The following CAPN3 variants were observed in gnomAD, a reference collection of about 807,000 sequenced individuals.
The protein encoded by CAPN3 is calpain 3.
In CAPN3, 88 loss-of-function variants were observed where a neutral mutation model predicts 114.0. That is an observed-to-expected ratio of 0.77 (90% confidence interval 0.65 to 0.92). The LOEUF (loss-of-function observed/expected upper bound fraction) is 0.92. Ranked by LOEUF, CAPN3 falls within the 40% of genes least tolerant of loss-of-function variation. The probability of loss-of-function intolerance (pLI) is 0.00; values close to 1 mark genes in which losing one functional copy is unlikely to be tolerated. For missense variants in CAPN3, 1,028 were observed against 1,069.0 expected, an observed-to-expected ratio of 0.96 and a Z score of 0.53; for synonymous variants, 386 against 382.9, an observed-to-expected ratio of 1.01 and a Z score of -0.09.
Position 42,389,070 on chromosome 15 carries a change from G to T in CAPN3, c.775G>T (p.Gly259Cys). 1.2e-6 allele frequency: 2 copies of T among 1,614,130 alleles called. No individual in the cohort carries two copies. Among genetic ancestry groups the T allele is most frequent in the Non-Finnish European group, 1.7e-6 (2 of 1,180,026 alleles). Residue 259 changes from glycine (G) to cysteine (C), a missense_variant, in exon 5 of 24, where the codon GGC becomes TGC. By Grantham distance (159) the Gly-to-Cys change is radical. Coordinates refer to ENST00000397163, the MANE Select transcript of CAPN3 (RefSeq NM_000070.3). ...YKIMKKAIER[G>C]SLMGCSIDDG... is the part of the protein sequence containing the mutation. ...GATCATGAAGAAAGCCATCGAGAGAGGCTCCCTCATGGGCTGCTCCATTGA... is the reference window on the plus strand; with the variant it reads ...GATCATGAAGAAAGCCATCGAGAGATGCTCCCTCATGGGCTGCTCCATTGA...
In CAPN3 at chr15:42,411,914, T is replaced by A; in HGVS notation, c.*141T>A. The A allele has an allele frequency of 6.4e-6, 10 of 1,561,318 alleles. No individual in the cohort carries two copies. Among genetic ancestry groups the A allele is most frequent in the Non-Finnish European group, 8.7e-6 (10 of 1,152,084 alleles). On this transcript the variant is annotated 3_prime_UTR_variant, in exon 24 of 24. Transcript: ENST00000397163. ...GGCACCTCATCAGTCATGCTCCTCC[T>A]CCATTTTACCCCCTACCCATCCTTG... is the stretch of plus-strand genomic sequence containing the variant.
chr15:42,405,656 G>A (rs944431385), intron 14 of CAPN3, among the ~76,000 whole-genome samples: 3 of 152,184 alleles, frequency 2.0e-5, no homozygotes, highest in African/African-American at 7.2e-5. Flanking sequence ...ACCTTAGCCA[G>A]AAGATCTTTT....
intron 1 of CAPN3, among the ~76,000 whole-genome samples, chr15:42,383,314 C>T (rs1415999870): frequency 2.0e-5 from 3 of 152,054 alleles, no homozygotes; most frequent in Non-Finnish European, 4.4e-5. Flanking sequence ...ACTAGCCTGG[C>T]GCGGTGGCTC....
intron 12 of CAPN3, 178 bp downstream of exon 12, chr15:42,402,313 T>A (rs565791367): frequency 6.5e-7 from 1 of 1,545,552 alleles, no homozygotes; most frequent in Admixed American, 1.9e-5. Context: ...GCATGACCCA[T>A]GACTACCACC....
chr15:42,377,300 A>T (rs905904458), intron 1 of CAPN3, among the ~76,000 whole-genome samples: 1 of 152,108 alleles, frequency 6.6e-6, no homozygotes, highest in East Asian at 1.9e-4. Context: ...GTTAGCTGTT[A>T]TTATTTTTGA....
At chr15:42,410,087 A>G (rs2054162630) in intron 19 of CAPN3, 92 bp downstream of exon 19, 1 of 1,172,802 alleles carries the variant, frequency 8.5e-7, no homozygotes, top group East Asian at 2.3e-5. Context: ...AAAGGGCCCT[A>G]ATTTGTGCCC....
rs753261440 is a variant in CAPN3 at position 42,359,939 on chromosome 15, CCAT to C, written c.140_142del (p.Ile47del). The stretch of plus-strand genomic sequence containing the variant: ...GGAAACCCAAGTGGCATCTATTCAG[CCAT>C]CATCAGCCGCAATTTTCCTATTATC... On this transcript the variant is annotated inframe_deletion, in exon 1 of 24. Transcript: ENST00000397163. 1 of 1,614,172 alleles carries C rather than the reference CCAT, an allele frequency of 6.2e-7. No individual in the cohort carries two copies. The highest frequency in any genetic ancestry group is 8.5e-7 in the Non-Finnish European group (1 of 1,180,032).
chr15:42,382,732 C>G (rs2053283868), intron 1 of CAPN3, among the ~76,000 whole-genome samples: 1 of 151,994 alleles, frequency 6.6e-6, no homozygotes, highest in Non-Finnish European at 1.5e-5. Context: ...GTTCATATTT[C>G]TTTATGGTTT....
At chr15:42,365,364 C>T (rs12441700) in intron 1 of CAPN3, among the ~76,000 whole-genome samples, 40,930 of 152,042 alleles carry the variant, frequency 0.27, 7,882 homozygotes, top group African/African-American at 0.54. Context: ...CCTCCAGCTC[C>T]TTCCCTAGGA....
At chr15:42,366,701 A>G (rs1193661907) in intron 1 of CAPN3, among the ~76,000 whole-genome samples, 1 of 152,114 alleles carries the variant, frequency 6.6e-6, no homozygotes, top group Non-Finnish European at 1.5e-5. Flanking sequence ...CTGCCCGTTT[A>G]CTTACAAGAG....
At chr15:42,401,481 C>CT (rs1485705235) in intron 10 of CAPN3, among the ~76,000 whole-genome samples, 160 bp from the exon 11 acceptor site, 2 of 131,120 alleles carry the variant, frequency 1.5e-5, no homozygotes, top group Admixed American at 7.9e-5. Flanking sequence ...GCGCCCCCCC[C>CT]CCCCCCAAAT....
chr15:42,404,684 C>T (rs531944275), intron 14 of CAPN3: 1 of 1,184,594 alleles, frequency 8.4e-7, no homozygotes, highest in South Asian at 1.6e-5. Context: ...GGGCTGTAGT[C>T]AGCTGACAGT....
intron 6 of CAPN3, among the ~76,000 whole-genome samples, chr15:42,391,866 A>G (rs2053563752): frequency 1.3e-5 from 2 of 152,142 alleles, no homozygotes; most frequent in African/African-American, 4.8e-5. Context: ...GAGGGGATGT[A>G]AAGAAGGCTA....
At chr15:42,398,634 CATAT>C (rs1156434789) in intron 9 of CAPN3, among the ~76,000 whole-genome samples, 1 of 123,932 alleles carries the variant, frequency 8.1e-6, no homozygotes, top group Non-Finnish European at 1.7e-5. Flanking sequence ...CACACACACA[CATAT>C]ATATACACAC....
In CAPN3 at chr15:42,359,851, G is replaced by A. The variant is rs772580081; in HGVS notation, c.46G>A (p.Glu16Lys). Residue 16 changes from glutamate (E) to lysine (K), a missense_variant, in exon 1 of 24, where the codon GAG (glutamate) becomes AAG (lysine). Glu to Lys is a moderately conservative substitution (Grantham distance 56). Transcript: ENST00000397163. ...ATCTGTGGCTCCAAGGACAGCGGCT[G>A]AGCCCCGGTCCCCAGGGCCAGTTCC... ...SASVAPRTAA[E>K]PRSPGPVPHP... 70 of 1,614,128 alleles carry A rather than the reference G, an allele frequency of 4.3e-5. No homozygotes were observed. The South Asian group carries it at 5.9e-4, about 14-fold the overall frequency.
At chr15:42,379,690 A>G (rs1260188503) in intron 1 of CAPN3, among the ~76,000 whole-genome samples, 1 of 152,330 alleles carries the variant, frequency 6.6e-6, no homozygotes, top group East Asian at 1.9e-4. Flanking sequence ...ATCTATATGT[A>G]ATGCCTCTCC....
At chr15:42,390,991 C>T (rs185873890) in intron 6 of CAPN3, among the ~76,000 whole-genome samples, 8 of 152,020 alleles carry the variant, frequency 5.3e-5, no homozygotes, top group African/African-American at 7.2e-5. Context: ...CGGGGTTTCA[C>T]CATGTTGGCT....
chr15:42,384,462 C>T (rs2053332051), intron 1 of CAPN3, 21 bp from the exon 2 acceptor site: 5 of 1,569,558 alleles, frequency 3.2e-6, no homozygotes, highest in Admixed American at 3.3e-5. Context: ...CTTACCTGGT[C>T]ATTTCCTTTT....
chr15:42,387,755 C>A lies in CAPN3; in HGVS notation c.501C>A (p.Phe167Leu). Reference protein sequence around the residue: ...ENYAGIFHFQFWRYGEWVDVV... With the variant: ...ENYAGIFHFQLWRYGEWVDVV... ...CTGTGCGTGACGCTTCTGTGCAGTT[C>A]TGGCGCTATGGAGAGTGGGTGGACG... The change falls in exon 4 of 24, where the codon TTC (phenylalanine) becomes TTA (leucine). Residue 167 changes from phenylalanine to leucine, a missense_variant and splice_region_variant. By Grantham distance (22) the Phe-to-Leu change is conservative. Coordinates refer to ENST00000397163, the MANE Select transcript of CAPN3 (RefSeq NM_000070.3). The A allele has an allele frequency of 6.2e-7, 1 of 1,614,206 alleles. No individual in the cohort carries two copies. The highest frequency in any genetic ancestry group is 1.3e-5 in the African/African-American group (1 of 75,066).
Sources: gnomAD v4.1 joint callset for allele counts (sites outside exome capture counted in the v4.1 genomes callset) on GRCh38, gnomAD v4.1.1 for gene constraint, MANE v1.5 for transcripts, NCBI Gene and HGNC (gene_info 2026-07-23, HGNC 2026-07-21) for gene names.